Variants in CLEC17A observed in about 807,000 individuals in gnomAD.
CLEC17A encodes C-type lectin domain family 17, member A.
In CLEC17A, 37 loss-of-function variants were observed where a neutral mutation model predicts 61.3. The observed-to-expected ratio is 0.60, with a 90% CI of 0.46 to 0.79. The LOEUF (loss-of-function observed/expected upper bound fraction) is 0.79, where lower values mean the gene tolerates loss of function less well. CLEC17A is among the 30% of genes least tolerant of loss of function. The pLI, the probability that CLEC17A is intolerant of heterozygous loss-of-function variation, is 0.00. For missense variants in CLEC17A, 418 were observed against 464.7 expected (o/e 0.90, Z 0.92); for synonymous variants, 168 against 164.9 (o/e 1.02, Z -0.14).
chr19:14,581,319 A>T (rs1053858729), upstream of CLEC17A, among the ~76,000 whole-genome samples: 1 of 152,056 alleles, frequency 6.6e-6, no homozygotes, highest in African/African-American at 2.4e-5. Flanking sequence ...AGAAATAATA[A>T]TTATTATTAT....
upstream of CLEC17A, among the ~76,000 whole-genome samples, chr19:14,582,203 C>T (rs1319677064): frequency 2.0e-5 from 3 of 150,966 alleles, no homozygotes; most frequent in Non-Finnish European, 2.9e-5. Flanking sequence ...CTACGAGGAC[C>T]CTTGTAATGC....
chr19:14,591,700 T>G (rs1188771806), intron 3 of CLEC17A, among the ~76,000 whole-genome samples: 1 of 151,988 alleles, frequency 6.6e-6, no homozygotes, highest in African/African-American at 2.4e-5. Context: ...ATTACAGGCT[T>G]GCACCATCAT....
chr19:14,594,382 T>G (rs1401407834), intron 4 of CLEC17A, 135 bp from the exon 5 acceptor site: 12 of 1,142,930 alleles, frequency 1.0e-5, no homozygotes, highest in African/African-American at 1.5e-5. Flanking sequence ...CTAATCCCAA[T>G]TGCATTCTTA....
Position 14,597,002 on chromosome 19 carries a change from C to T in CLEC17A, c.572C>T (p.Thr191Ile). The T allele has an allele frequency of 6.2e-7, 1 of 1,609,856 alleles. No individual in the cohort carries two copies. Among genetic ancestry groups the T allele is most frequent in the Non-Finnish European group, 8.5e-7 (1 of 1,178,128 alleles). Residue 191 changes from threonine to isoleucine, a missense_variant, in exon 9 of 14, where the codon ACC becomes ATC. Physicochemically the swap from Thr to Ile is moderately conservative, Grantham distance 89. Coordinates refer to ENST00000417570, the MANE Select transcript of CLEC17A (RefSeq NM_001204118.2). ...CTGGGCTGCCTTGGTCTCACTGTGA[C>T]CCTGATTAAGTGTGAGTAGGGCCAG... is the stretch of plus-strand genomic sequence containing the variant. ...LFLGCLGLTV[T>I]LIKYQELMEE... is the part of the protein sequence containing the mutation.
intron 12 of CLEC17A, among the ~76,000 whole-genome samples, chr19:14,603,597 C>G (rs1022647872): frequency 6.6e-6 from 1 of 151,912 alleles, no homozygotes; most frequent in Non-Finnish European, 1.5e-5. Context: ...GTAACTGGGA[C>G]TATAGTCACG....
intron 3 of CLEC17A, among the ~76,000 whole-genome samples, chr19:14,591,459 T>G (rs945905181): frequency 1.3e-5 from 2 of 151,276 alleles, no homozygotes; most frequent in African/African-American, 4.9e-5. Context: ...TGGCCCTTTT[T>G]TTTGAGACAG....
intron 3 of CLEC17A, among the ~76,000 whole-genome samples, chr19:14,590,956 C>T (rs539018139): frequency 3.2e-4 from 49 of 151,936 alleles, no homozygotes; most frequent in African/African-American, 1.2e-3. Context: ...CCTTGGCCTC[C>T]CAAAGTGCTG....
At chr19:14,598,608 A>G (rs2074618193) in intron 10 of CLEC17A, among the ~76,000 whole-genome samples, 1 of 151,702 alleles carries the variant, frequency 6.6e-6, no homozygotes, top group African/African-American at 2.4e-5. Flanking sequence ...TGAATAGCTC[A>G]GATTACAGGC....
intron 12 of CLEC17A, among the ~76,000 whole-genome samples, chr19:14,600,995 C>T (rs976589434): frequency 2.0e-5 from 3 of 146,538 alleles, no homozygotes; most frequent in Non-Finnish European, 3.0e-5. Flanking sequence ...CTCTGCCTCC[C>T]GGGTTCAAGC....
intron 2 of CLEC17A, among the ~76,000 whole-genome samples, chr19:14,586,330 G>C (rs189082104): frequency 9.8e-4 from 149 of 152,214 alleles, no homozygotes; most frequent in Admixed American, 3.5e-3. Context: ...CTCCATGTTG[G>C]TCAGGCTGGT....
chr19:14,584,554 T>C (rs2074243318), intron 2 of CLEC17A, among the ~76,000 whole-genome samples: 1 of 152,102 alleles, frequency 6.6e-6, no homozygotes, highest in Non-Finnish European at 1.5e-5. Context: ...GGAGCCATTC[T>C]GTGAGGGCTG....
At position 14,610,308 on chromosome 19, in the gene CLEC17A, C is replaced by G. The variant is rs1307425163; in HGVS notation, c.*112C>G. On this transcript the variant is annotated 3_prime_UTR_variant, in exon 14 of 14. Transcript: ENST00000417570. ...CGTGAGTGGACACACAGATGTGCCT[C>G]AAACAGGATTGGCACCCTGGATGCA... 6 of 1,437,650 alleles carry G rather than the reference C, an allele frequency of 4.2e-6. No homozygotes were observed. Among genetic ancestry groups the G allele is most frequent in the African/African-American group, 1.4e-5 (1 of 71,078 alleles). The allele number at this position is 1,437,650 out of a possible 1,614,324, so 89.1% of individuals were successfully genotyped here.
At chr19:14,592,489 A>C in intron 4 of CLEC17A, 131 bp downstream of exon 4, 1 of 1,507,446 alleles carries the variant, frequency 6.6e-7, no homozygotes, top group South Asian at 1.3e-5. Context: ...TGTGCAACAC[A>C]CACCCTGCCC....
intron 10 of CLEC17A, 105 bp from the exon 11 acceptor site, chr19:14,599,584 AGCGTGACCCACTGGAATGTGGACACAGT>A: frequency 1.4e-6 from 1 of 731,380 alleles, no homozygotes; most frequent in South Asian, 1.5e-5. Flanking sequence ...TTTGAGCGCA[AGCGTGACCCACTGGAATGTGGACACAGT>A]GGGGAACACA....
At chr19:14,584,658 G>A (rs1346518194) in intron 2 of CLEC17A, among the ~76,000 whole-genome samples, 1 of 151,946 alleles carries the variant, frequency 6.6e-6, no homozygotes, top group Admixed American at 6.6e-5. Context: ...GGTGACCTGT[G>A]CTGTGTTGTT....
chr19:14,604,593 T>C (rs1568461300), intron 12 of CLEC17A, among the ~76,000 whole-genome samples: 1 of 151,948 alleles, frequency 6.6e-6, no homozygotes, highest in Non-Finnish European at 1.5e-5. Context: ...TGAAACCCTG[T>C]TTCTACTAAA....
chr19:14,609,945 G>A (rs1027509037), intron 13 of CLEC17A, 119 bp from the exon 14 acceptor site: 3 of 702,758 alleles, frequency 4.3e-6, no homozygotes, highest in South Asian at 1.8e-5. Context: ...CTCCACACAC[G>A]GCCTAATATG....
At chr19:14,587,134 C>T (rs941894701) in intron 2 of CLEC17A, among the ~76,000 whole-genome samples, 2 of 151,894 alleles carry the variant, frequency 1.3e-5, no homozygotes, top group African/African-American at 4.8e-5. Flanking sequence ...CTCAGGCGAC[C>T]TGCCAGCCTC....
chr19:14,583,412 C>G lies in CLEC17A; in HGVS notation c.99C>G (p.Tyr33Ter). 6.2e-7 allele frequency: 1 copy of G among 1,612,366 alleles called. No homozygotes were observed. Among genetic ancestry groups the G allele is most frequent in the Non-Finnish European group, 8.5e-7 (1 of 1,179,172 alleles). Residue 33 changes from tyrosine (Y) to a stop codon, truncating the protein, a stop_gained, in exon 2 of 14, where the codon TAC (tyrosine) becomes TAG (stop). Transcript: ENST00000417570. LOFTEE classifies it high-confidence loss of function. ...ACTATGAGAACTCAACACCTCCCTA[C>G]AAGGACCTTCCTCCCAAGCCAGGTA... ...DDDYENSTPPYKDLPPKPGTM... is the reference protein window; with the variant it reads ...DDDYENSTPP
Sources: gnomAD v4.1 joint callset for allele counts (sites outside exome capture counted in the v4.1 genomes callset) on GRCh38, gnomAD v4.1.1 for gene constraint, MANE v1.5 for transcripts, NCBI Gene and HGNC (gene_info 2026-07-23, HGNC 2026-07-21) for gene names.